ASPSCR1: variants seen among roughly 807,000 people sequenced by gnomAD.
The protein encoded by ASPSCR1 is ASPSCR1 tether for SLC2A4, UBX domain containing.
Under a neutral mutation model 68.9 loss-of-function variants are expected in ASPSCR1, and 55 were observed. The ratio of observed to expected loss-of-function variants is 0.80; its 90% CI spans 0.64 to 1.00. The LOEUF (loss-of-function observed/expected upper bound fraction) is 1.00, where lower values mean the gene tolerates loss of function less well. ASPSCR1 is among the 50% of genes least tolerant of loss of function. The pLI is 0.00. For synonymous variants in ASPSCR1, 352 were observed against 332.6 expected, an observed-to-expected ratio of 1.06 and a Z score of -0.63; for missense variants, 765 against 762.2, an observed-to-expected ratio of 1.00 and a Z score of -0.04.
In ASPSCR1 at chr17:81,983,513, GGCTCT is replaced by G. The variant is rs1378431237; in HGVS notation, c.159-38_159-34del. 1.3e-6 allele frequency: 2 copies of G among 1,515,264 alleles called. No homozygotes were observed. The highest frequency in any genetic ancestry group is 1.4e-5 in the African/African-American group (1 of 73,350). 93.9% of individuals were successfully genotyped at this position (1,515,264 alleles called of 1,614,324 possible). Reference sequence around the variant, plus strand: ...GGGGCGTGGATGGCAGGGCGTGTCAGGCTCTGCAGGGCAGCAAGTGTGCTCTGGTC... The same window carrying G: ...GGGGCGTGGATGGCAGGGCGTGTCAGGCAGGGCAGCAAGTGTGCTCTGGTC... On this transcript the variant is annotated intron_variant, in intron 2 of 15. Coordinates refer to ENST00000306739, the MANE Select transcript of ASPSCR1 (RefSeq NM_024083.4). This position sits in a 1 kb window ranked among gnomAD's most constrained non-coding sequence, Gnocchi z 4.4.
At position 82,009,521 on chromosome 17, in the gene ASPSCR1, C is replaced by T. The variant is rs762270992; in HGVS notation, c.1124C>T (p.Ala375Val). The change falls in exon 9 of 16, where the codon GCC (alanine) becomes GTC (valine). Residue 375 changes from alanine (A) to valine (V), a missense_variant. Physicochemically the swap from Ala to Val is moderately conservative, Grantham distance 64. Coordinates refer to ENST00000306739, the MANE Select transcript of ASPSCR1 (RefSeq NM_024083.4). ...GAAGAAGCCCCCTTGGTGACCAAGG[C>T]CTTCAGGGAGGCGCAGATAAAGGAG... is the stretch of plus-strand genomic sequence containing the variant. ...RLEEAPLVTK[A>V]FREAQIKEKL... 7 of 1,561,356 alleles carry T rather than the reference C, an allele frequency of 4.5e-6. No homozygotes were observed. The South Asian group carries it at 7.0e-5, about 16-fold the overall frequency.
chr17:82,016,759 CCCTCCT>C, intron 13 of ASPSCR1, 35 bp from the exon 14 acceptor site: 1 of 1,591,718 alleles, frequency 6.3e-7, no homozygotes, highest in Non-Finnish European at 8.5e-7. Context: ...GTGAGTGGAC[CCCTCCT>C]CAGAGGCTCA....
At chr17:81,984,445 C>T (rs1408845434) in intron 3 of ASPSCR1, among the ~76,000 whole-genome samples, 1 of 151,978 alleles carries the variant, frequency 6.6e-6, no homozygotes, top group Non-Finnish European at 1.5e-5. Context: ...TGGGTGGTGG[C>T]GGATGCCTGT....
At chr17:82,001,900 C>T (rs2042544376) in intron 7 of ASPSCR1, among the ~76,000 whole-genome samples, 1 of 152,172 alleles carries the variant, frequency 6.6e-6, no homozygotes, top group Non-Finnish European at 1.5e-5. Context: ...CACACGCCTG[C>T]CACACCGTAA....
Position 82,012,185 on chromosome 17 carries a change from C to G in ASPSCR1, c.1301-46C>G, listed in dbSNP as rs200650232. 1,674 of 1,587,298 alleles carry G rather than the reference C, an allele frequency of 1.1e-3. 6 individuals are homozygous for G. The highest frequency in any genetic ancestry group is 3.5e-3 in the South Asian group (320 of 90,534). ...GTCTTCCTTCGGGCGCATGGATGGG[C>G]GAGGTCCACGGTGCTTCCTAACACG... On this transcript the variant is annotated intron_variant, in intron 11 of 15. Transcript: ENST00000306739.
chr17:82,001,239 G>T (rs1190350386), intron 7 of ASPSCR1, among the ~76,000 whole-genome samples: 2 of 152,154 alleles, frequency 1.3e-5, no homozygotes, highest in Admixed American at 1.3e-4. Flanking sequence ...GGCAGGGCAG[G>T]TGCTGTTGAC....
At chr17:81,992,597 T>C (rs1443395037) in intron 4 of ASPSCR1, among the ~76,000 whole-genome samples, 1 of 152,152 alleles carries the variant, frequency 6.6e-6, no homozygotes, top group East Asian at 1.9e-4. Context: ...ATCTGTGTCA[T>C]GCTGGGGAGC....
intron 3 of ASPSCR1, among the ~76,000 whole-genome samples, chr17:81,985,219 TGCACACCCCC>T (rs1025295300): frequency 1.5e-5 from 2 of 134,510 alleles, no homozygotes; most frequent in African/African-American, 5.6e-5. Context: ...TGCACACAAC[TGCACACCCCC>T]GCACACACCC....
intron 1 of ASPSCR1, 51 bp from the exon 2 acceptor site, chr17:81,979,133 C>T (rs1208523486): frequency 1.2e-6 from 2 of 1,601,498 alleles, no homozygotes; most frequent in South Asian, 1.1e-5. Context: ...CCCACTGCGC[C>T]CGCCAGCCCT....
Position 82,016,728 on chromosome 17 carries a change from T to G in ASPSCR1, c.1406-72T>G. The G allele has an allele frequency of 2.0e-6, 3 of 1,538,248 alleles. No individual in the cohort carries two copies. The South Asian group carries it at 3.5e-5, about 18-fold the overall frequency. ...CCCCCCTCCCAGAGCTGAGTGCTGG[T>G]GGGCAGATGCTGGGTGGATGGTGAG... is the stretch of plus-strand genomic sequence containing the variant. On this transcript the variant is annotated intron_variant, in intron 13 of 15. Coordinates refer to ENST00000306739, the MANE Select transcript of ASPSCR1 (RefSeq NM_024083.4).
intron 8 of ASPSCR1, 142 bp downstream of exon 8, chr17:82,009,333 G>T: frequency 1.4e-6 from 2 of 1,393,150 alleles, no homozygotes; most frequent in Non-Finnish European, 1.9e-6. Context: ...ACCTCAGAGG[G>T]TTGGGGCCCA....
chr17:82,016,232 G>T, intron 12 of ASPSCR1: 1 of 559,372 alleles, frequency 1.8e-6, no homozygotes, highest in East Asian at 2.9e-5. Context: ...CGAGGCCCCA[G>T]CCTTCAGCTG....
chr17:82,000,726 C>T (rs2144058376), intron 7 of ASPSCR1, among the ~76,000 whole-genome samples: 1 of 152,360 alleles, frequency 6.6e-6, no homozygotes, highest in South Asian at 2.1e-4. Flanking sequence ...CGGGCGGTTC[C>T]TGCCTTTGAT....
At chr17:81,978,735 T>C in intron 1 of ASPSCR1, 1 of 214,224 alleles carries the variant, frequency 4.7e-6, no homozygotes, top group South Asian at 6.1e-5. Context: ...GCGGGACCCC[T>C]TGGTGCAAGG....
intron 7 of ASPSCR1, among the ~76,000 whole-genome samples, chr17:82,001,178 G>T (rs771889026): frequency 1.3e-5 from 2 of 152,192 alleles, no homozygotes; most frequent in African/African-American, 2.4e-5. Flanking sequence ...CCTGGAGCGG[G>T]TCATGCACTG....
chr17:81,987,161 C>T lies in ASPSCR1; in HGVS notation c.374+1554C>T, dbSNP rs999609968. Among the ~76,000 whole-genome samples, 4 of 149,998 alleles carry T rather than the reference C, an allele frequency of 2.7e-5. No homozygotes were observed. The highest frequency in any genetic ancestry group is 4.4e-5 in the Non-Finnish European group (3 of 67,860). ...ACAGAGCCTAAGAGCAAAGCGAAGC[C>T]ACGGGCAGGGGTGAGCGGGACCCGA... On this transcript the variant is annotated intron_variant, in intron 4 of 15. Coordinates refer to ENST00000306739, the MANE Select transcript of ASPSCR1 (RefSeq NM_024083.4). The surrounding 1 kb of genome is among the most constrained non-coding windows in gnomAD (Gnocchi z 5.6).
chr17:81,985,464 G>C, intron 3 of ASPSCR1, 43 bp from the exon 4 acceptor site: 1 of 1,583,914 alleles, frequency 6.3e-7, no homozygotes, highest in Non-Finnish European at 8.7e-7. Context: ...AGGAATAGTT[G>C]CTTTTCTTCC....
In ASPSCR1 at chr17:81,984,502, G is replaced by T. The variant is rs560196968; in HGVS notation, c.273+834G>T. Among the ~76,000 whole-genome samples the T allele has an allele frequency of 1.2e-3, 180 of 152,088 alleles. 1 individual carries two copies. Among genetic ancestry groups the T allele is most frequent in the African/African-American group, 4.2e-3 (175 of 41,474 alleles). ...TGAGGCAGGAGAATGGCGTGAACCCGGGAGGCGGAGCTTGCAGTGAGCCGA... is the reference window on the plus strand; with the variant it reads ...TGAGGCAGGAGAATGGCGTGAACCCTGGAGGCGGAGCTTGCAGTGAGCCGA... On this transcript the variant is annotated intron_variant, in intron 3 of 15. Coordinates refer to ENST00000306739, the MANE Select transcript of ASPSCR1 (RefSeq NM_024083.4).
At chr17:81,984,199 A>C (rs550504456) in intron 3 of ASPSCR1, among the ~76,000 whole-genome samples, 1 of 152,164 alleles carries the variant, frequency 6.6e-6, no homozygotes, top group Non-Finnish European at 1.5e-5. Flanking sequence ...TTCTGGGGTC[A>C]GTTGTGCCTT....
Sources: gnomAD v4.1 joint callset for allele counts (sites outside exome capture counted in the v4.1 genomes callset) on GRCh38, gnomAD v4.1.1 for gene constraint, Gnocchi (gnomAD v3.1) non-coding constraint, MANE v1.5 for transcripts, NCBI Gene and HGNC (gene_info 2026-07-23, HGNC 2026-07-21) for gene names.